SNX14: variants seen among roughly 807,000 people sequenced by gnomAD.
The protein encoded by SNX14 is sorting nexin 14.
Under a neutral mutation model 133.8 loss-of-function variants are expected in SNX14, and 93 were observed. That is an observed-to-expected ratio of 0.70 (90% CI 0.59 to 0.83). SNX14 has a LOEUF of 0.83. Ranked by LOEUF, SNX14 falls within the 40% of genes least tolerant of loss-of-function variation. The probability of loss-of-function intolerance (pLI) is 0.00; values close to 1 mark genes in which losing one functional copy is unlikely to be tolerated. For synonymous variants in SNX14, 368 were observed against 365.6 expected (o/e 1.01, Z -0.07); for missense variants, 945 against 1,094.9 (o/e 0.86, Z 1.93).
intron 1 of SNX14, among the ~76,000 whole-genome samples, chr6:85,584,012 C>G (rs1158484945): frequency 6.6e-6 from 1 of 152,152 alleles, no homozygotes. Flanking sequence ...TACAAGGCTA[C>G]AGTAACCAAA....
chr6:85,580,904 C>G (rs1798860469), intron 1 of SNX14, among the ~76,000 whole-genome samples: 1 of 152,130 alleles, frequency 6.6e-6, no homozygotes, highest in Admixed American at 6.5e-5. Flanking sequence ...ATCTCTGGAA[C>G]CACCCCATAT....
At chr6:85,517,922 T>A in intron 22 of SNX14, 47 bp from the exon 23 acceptor site, 1 of 1,579,974 alleles carries the variant, frequency 6.3e-7, no homozygotes, top group East Asian at 2.3e-5. Context: ...AAGGTAATTT[T>A]TAGTACATAA....
chr6:85,505,726 G>A lies in SNX14; in HGVS notation c.*241C>T, dbSNP rs968476624. ...ATTATGAATTTTCTCTTTTAAAAATGGCAATAACAAGTGACTTATGTTCTA... is the reference window on the plus strand; with the variant it reads ...ATTATGAATTTTCTCTTTTAAAAATAGCAATAACAAGTGACTTATGTTCTA... On this transcript the variant is annotated 3_prime_UTR_variant, in exon 29 of 29. Coordinates refer to ENST00000314673, the MANE Select transcript of SNX14 (RefSeq NM_153816.6). The A allele has an allele frequency of 8.7e-6, 4 of 459,840 alleles. No homozygotes were observed. Among genetic ancestry groups the A allele is most frequent in the African/African-American group, 6.2e-5 (3 of 48,726 alleles). The allele number at this position is 459,840 out of a possible 1,614,324, so 28.5% of individuals were successfully genotyped here. A position where few individuals can be genotyped will look rare whatever the true frequency, so the allele number is the denominator to read the frequency against.
intron 1 of SNX14, among the ~76,000 whole-genome samples, chr6:85,586,325 G>A (rs951899302): frequency 1.3e-5 from 2 of 151,952 alleles, no homozygotes; most frequent in African/African-American, 4.8e-5. Flanking sequence ...GGTATACAAA[G>A]CCTAAAATAT....
At chr6:85,572,411 T>A (rs1289536930) in intron 2 of SNX14, 37 bp from the exon 3 acceptor site, 1 of 1,427,072 alleles carries the variant, frequency 7.0e-7, no homozygotes, top group East Asian at 2.3e-5. Flanking sequence ...GGGAGATCCA[T>A]CTTTACATAA....
Position 85,524,956 on chromosome 6 carries a change from T to A in SNX14, c.2107+1170A>T, listed in dbSNP as rs35341244. On this transcript the variant is annotated intron_variant, in intron 21 of 28. Transcript: ENST00000314673. ...TCCTTTGTTATATTTCTATTTTTTA[T>A]ACATGTACTTGTAATGTATGTACTA... Among the ~76,000 whole-genome samples, 783 of 152,310 alleles carry A rather than the reference T, an allele frequency of 5.1e-3. 6 individuals carry two copies. The highest frequency in any genetic ancestry group is 0.037 in the Middle Eastern group (11 of 294).
At chr6:85,578,320 G>T (rs1475537761) in intron 1 of SNX14, among the ~76,000 whole-genome samples, 1 of 152,134 alleles carries the variant, frequency 6.6e-6, no homozygotes, top group Non-Finnish European at 1.5e-5. Flanking sequence ...GCCATATAAT[G>T]GCTTTTATAT....
chr6:85,518,624 A>T (rs1324692534), intron 21 of SNX14, among the ~76,000 whole-genome samples: 1 of 152,232 alleles, frequency 6.6e-6, no homozygotes, highest in Non-Finnish European at 1.5e-5. Context: ...TTTAGAAATG[A>T]CTTAAAAATC....
chr6:85,525,184 T>C (rs1447635714), intron 21 of SNX14, among the ~76,000 whole-genome samples: 1 of 152,188 alleles, frequency 6.6e-6, no homozygotes, highest in Non-Finnish European at 1.5e-5. Context: ...AGGTCTTCAG[T>C]ATCCCAGCAG....
At chr6:85,552,032 C>CTTTT (rs71551482) in intron 7 of SNX14, among the ~76,000 whole-genome samples, 16 of 114,146 alleles carry the variant, frequency 1.4e-4, no homozygotes, top group Admixed American at 3.8e-4. Flanking sequence ...TGTTGGGAAT[C>CTTTT]TTTTTTTTTT....
At position 85,547,486 on chromosome 6, in the gene SNX14, C is replaced by T. The variant is rs1378119797; in HGVS notation, c.912+20G>A. On this transcript the variant is annotated intron_variant, in intron 10 of 28. Coordinates refer to ENST00000314673, the MANE Select transcript of SNX14 (RefSeq NM_153816.6). ...AATTCAATGCAATCTGAAGTGTTTT[C>T]TAATATATTCAATACTCACTGGACT... 3 of 1,605,608 alleles carry T rather than the reference C, an allele frequency of 1.9e-6. No individual in the cohort carries two copies. Among genetic ancestry groups the T allele is most frequent in the Non-Finnish European group, 2.5e-6 (3 of 1,176,986 alleles).
intron 7 of SNX14, among the ~76,000 whole-genome samples, chr6:85,555,406 G>C (rs1433794232): frequency 6.6e-6 from 1 of 152,144 alleles, no homozygotes; most frequent in Non-Finnish European, 1.5e-5. Context: ...GTAGTAAAAA[G>C]AAATGGGTTA....
intron 20 of SNX14, among the ~76,000 whole-genome samples, chr6:85,526,977 G>A (rs1778682518): frequency 6.6e-6 from 1 of 152,152 alleles, no homozygotes; most frequent in African/African-American, 2.4e-5. Context: ...GCCGAGGCTG[G>A]AGAATCGGTT....
At chr6:85,522,802 T>TA (rs1777307978) in intron 21 of SNX14, among the ~76,000 whole-genome samples, 1 of 152,204 alleles carries the variant, frequency 6.6e-6, no homozygotes, top group South Asian at 2.1e-4. Context: ...CTAGTCTCAC[T>TA]CTCTTGCATG....
Position 85,574,331 on chromosome 6 carries a change from A to T in SNX14, c.188T>A (p.Val63Asp). The T allele has an allele frequency of 6.3e-7, 1 of 1,584,464 alleles. No individual in the cohort carries two copies. Among genetic ancestry groups the T allele is most frequent in the Non-Finnish European group, 8.7e-7 (1 of 1,155,328 alleles). The change falls in exon 2 of 29, where the codon GTC becomes GAC. Residue 63 changes from valine to aspartate, a missense_variant. Val to Asp is a radical substitution (Grantham distance 152, BLOSUM62 -3). Coordinates refer to ENST00000314673, the MANE Select transcript of SNX14 (RefSeq NM_153816.6). ...MIFWSFVAGV[V>D]TFYCSLGPDS... ...AGGTCCTAGTGAGCAGTAGAATGTG[A>T]CAACTCCAGCAACAAATGACCAGAA...
At chr6:85,544,815 C>G (rs569910428) in intron 12 of SNX14, among the ~76,000 whole-genome samples, 1 of 152,132 alleles carries the variant, frequency 6.6e-6, no homozygotes, top group Non-Finnish European at 1.5e-5. Flanking sequence ...ATTTTAAGAA[C>G]TGTGAAAATG....
At chr6:85,566,716 G>T (rs1038786689) in intron 5 of SNX14, among the ~76,000 whole-genome samples, 1 of 151,398 alleles carries the variant, frequency 6.6e-6, no homozygotes, top group Non-Finnish European at 1.5e-5. Context: ...AAAAAAGAAA[G>T]AAAAGAAAAT....
At chr6:85,548,503 G>A in intron 8 of SNX14, 127 bp from the exon 9 acceptor site, 1 of 658,526 alleles carries the variant, frequency 1.5e-6, no homozygotes, top group Admixed American at 3.6e-5. Context: ...GTCTTGGTTA[G>A]GCCCTAAAAG....
At position 85,514,984 on chromosome 6, in the gene SNX14, G is replaced by T. The variant is rs560898994; in HGVS notation, c.2269-355C>A. ...TAACTTTAAAACTAACATGATTTAG[G>T]CCAGGCGCAGTGGCTCACGCCTGTA... is the stretch of plus-strand genomic sequence containing the variant. On this transcript the variant is annotated intron_variant, in intron 23 of 28. Coordinates refer to ENST00000314673, the MANE Select transcript of SNX14 (RefSeq NM_153816.6). Among the ~76,000 whole-genome samples the T allele has an allele frequency of 4.6e-5, 7 of 152,120 alleles. No homozygotes were observed. In the East Asian group the frequency reaches 1.4e-3, roughly 29 times the overall value.
Sources: gnomAD v4.1 joint callset for allele counts (sites outside exome capture counted in the v4.1 genomes callset) on GRCh38, gnomAD v4.1.1 for gene constraint, MANE v1.5 for transcripts, NCBI Gene and HGNC (gene_info 2026-07-23, HGNC 2026-07-21) for gene names.